Variants in CTNND2 observed in about 807,000 individuals in gnomAD.
The protein encoded by CTNND2 is catenin delta 2.
A neutral mutation model predicts 144.4 loss-of-function variants in CTNND2; 22 were observed. That is an observed-to-expected ratio of 0.15 (90% confidence interval 0.11 to 0.22). The LOEUF (loss-of-function observed/expected upper bound fraction) is 0.22, where lower values mean the gene tolerates loss of function less well. Ranked by LOEUF, CTNND2 falls within the 10% of genes least tolerant of loss-of-function variation. CTNND2 has a pLI of 1.00. For missense variants in CTNND2, 1,353 were observed against 1,618.8 expected, an observed-to-expected ratio of 0.84 and a Z score of 2.82; for synonymous variants, 751 against 695.6, an observed-to-expected ratio of 1.08 and a Z score of -1.25.
In CTNND2 at chr5:11,746,445, T is replaced by A. The variant is rs543267765; in HGVS notation, c.38-14173A>T. Among the ~76,000 whole-genome samples, 8 of 152,244 alleles carry A rather than the reference T, an allele frequency of 5.3e-5. No homozygotes were observed. The South Asian group carries it at 1.5e-3, about 28-fold the overall frequency. ...TGAACTTTCCTCAGATATTACATGATCACTAAGAACTGTGATGATCTTATC... is the reference window on the plus strand; with the variant it reads ...TGAACTTTCCTCAGATATTACATGAACACTAAGAACTGTGATGATCTTATC... On this transcript the variant is annotated intron_variant, in intron 1 of 21. Transcript: ENST00000304623.
At chr5:11,220,284 A>C (rs2149863844) in intron 10 of CTNND2, among the ~76,000 whole-genome samples, 1 of 152,322 alleles carries the variant, frequency 6.6e-6, no homozygotes, top group South Asian at 2.1e-4. Flanking sequence ...GGAAAGAAGG[A>C]AACTGGCTTA....
At chr5:11,059,737 T>G (rs1746731904) in intron 16 of CTNND2, among the ~76,000 whole-genome samples, 1 of 152,136 alleles carries the variant, frequency 6.6e-6, no homozygotes, top group South Asian at 2.1e-4. Context: ...AAAACTCCTG[T>G]GGCATACAGA....
chr5:11,499,198 T>C (rs770991993), intron 3 of CTNND2, among the ~76,000 whole-genome samples: 1 of 152,130 alleles, frequency 6.6e-6, no homozygotes, highest in Non-Finnish European at 1.5e-5. Flanking sequence ...AGAAAAAATT[T>C]CAAGTTAAAA....
intron 1 of CTNND2, among the ~76,000 whole-genome samples, chr5:11,872,079 T>C: frequency 6.8e-6 from 1 of 147,292 alleles, no homozygotes; most frequent in East Asian, 2.1e-4. Context: ...TTCCCCTCCC[T>C]GTGTCCATGT....
chr5:11,419,827 A>C (rs747532427), intron 3 of CTNND2, among the ~76,000 whole-genome samples: 2 of 152,214 alleles, frequency 1.3e-5, no homozygotes, highest in Non-Finnish European at 2.9e-5. Flanking sequence ...AACCTGCTCA[A>C]ATATACTCTT....
At chr5:11,417,664 A>C (rs932930633) in intron 3 of CTNND2, among the ~76,000 whole-genome samples, 7 of 152,248 alleles carry the variant, frequency 4.6e-5, no homozygotes, top group African/African-American at 1.7e-4. Context: ...GTGTGGGGGA[A>C]GAAATGGGGA....
chr5:11,841,396 A>C (rs1385722186), intron 1 of CTNND2, among the ~76,000 whole-genome samples: 1 of 152,300 alleles, frequency 6.6e-6, no homozygotes, highest in East Asian at 1.9e-4. Flanking sequence ...ATAATTATCT[A>C]AACTTGGAAT....
At chr5:11,606,971 A>G (rs970561237) in intron 2 of CTNND2, among the ~76,000 whole-genome samples, 9 of 152,324 alleles carry the variant, frequency 5.9e-5, no homozygotes, top group African/African-American at 2.2e-4. Flanking sequence ...AATAATATCA[A>G]TAGGATAGGC....
chr5:11,708,751 T>C (rs1785859560), intron 2 of CTNND2, among the ~76,000 whole-genome samples: 2 of 152,096 alleles, frequency 1.3e-5, no homozygotes, highest in African/African-American at 4.8e-5. Context: ...AGGCCACATT[T>C]AAGGCAGGGT....
chr5:11,155,281 T>A, intron 12 of CTNND2, among the ~76,000 whole-genome samples: 1 of 152,198 alleles, frequency 6.6e-6, no homozygotes, highest in East Asian at 1.9e-4. Flanking sequence ...CAAAACTGAA[T>A]TGATTTCAAG....
chr5:11,224,519 T>C (rs1191033437), intron 10 of CTNND2, among the ~76,000 whole-genome samples: 2 of 152,182 alleles, frequency 1.3e-5, no homozygotes, highest in Non-Finnish European at 2.9e-5. Flanking sequence ...AGATTCCATA[T>C]CTTTTTGAAA....
At chr5:11,158,263 C>T (rs1441165557) in intron 12 of CTNND2, among the ~76,000 whole-genome samples, 1 of 152,130 alleles carries the variant, frequency 6.6e-6, no homozygotes, top group East Asian at 1.9e-4. Context: ...AGAAAAAAAT[C>T]AGGCATGGGA....
chr5:11,623,818 A>G (rs1384623088), intron 2 of CTNND2, among the ~76,000 whole-genome samples: 11 of 65,552 alleles, frequency 1.7e-4, no homozygotes, highest in African/African-American at 5.1e-4. Context: ...GTATATATAT[A>G]TATATATATA....
intron 3 of CTNND2, among the ~76,000 whole-genome samples, chr5:11,446,981 G>A (rs6880266): frequency 0.093 from 14,172 of 151,942 alleles, 2,226 homozygotes; most frequent in African/African-American, 0.32. Flanking sequence ...CCCCACCTCA[G>A]TCCTCAATGG....
intron 3 of CTNND2, among the ~76,000 whole-genome samples, chr5:11,541,849 CCG>C (rs386685514): frequency 1.4e-4 from 20 of 142,354 alleles, no homozygotes; most frequent in African/African-American, 4.7e-4. Flanking sequence ...CCCCCCCCCC[CCG>C]GCCAAAAGCC....
At chr5:11,252,751 C>G (rs1236984723) in intron 9 of CTNND2, among the ~76,000 whole-genome samples, 1 of 152,210 alleles carries the variant, frequency 6.6e-6, no homozygotes, top group African/African-American at 2.4e-5. Flanking sequence ...AGGTGGCTCA[C>G]TCTCTCATCA....
intron 5 of CTNND2, among the ~76,000 whole-genome samples, chr5:11,399,692 A>T (rs1049619112): frequency 3.3e-5 from 5 of 152,252 alleles, no homozygotes; most frequent in Non-Finnish European, 7.3e-5. Context: ...GTACTCAATG[A>T]AAAGTAACCA....
intron 11 of CTNND2, among the ~76,000 whole-genome samples, chr5:11,180,369 T>C (rs1412969995): frequency 6.6e-6 from 1 of 152,224 alleles, no homozygotes; most frequent in Non-Finnish European, 1.5e-5. Flanking sequence ...AAGTTCTTTA[T>C]AGCAGTGTGA....
At chr5:11,204,570 C>T (rs7713315) in intron 10 of CTNND2, among the ~76,000 whole-genome samples, 30,161 of 151,854 alleles carry the variant, frequency 0.2, 3,104 homozygotes, top group Admixed American at 0.24. Context: ...AAATAGGGCC[C>T]CATTTGTTAC....
Sources: gnomAD v4.1 joint callset for allele counts (sites outside exome capture counted in the v4.1 genomes callset) on GRCh38, gnomAD v4.1.1 for gene constraint, MANE v1.5 for transcripts, NCBI Gene and HGNC (gene_info 2026-07-23, HGNC 2026-07-21) for gene names.